The following DAB1 variants were observed in gnomAD, a reference collection of about 807,000 sequenced individuals.
DAB1 encodes DAB adaptor protein 1.
In DAB1, 15 loss-of-function variants were observed where a neutral mutation model predicts 64.6. That is an observed-to-expected ratio of 0.23 (90% CI 0.16 to 0.36). The LOEUF (loss-of-function observed/expected upper bound fraction) is 0.36, where lower values mean the gene tolerates loss of function less well. Ranked by LOEUF, DAB1 falls within the 10% of genes least tolerant of loss-of-function variation. The pLI is 1.00. For missense variants in DAB1, 596 were observed against 706.7 expected, an observed-to-expected ratio of 0.84 and a Z score of 1.78; for synonymous variants, 235 against 251.9, an observed-to-expected ratio of 0.93 and a Z score of 0.64.
Position 57,119,577 on chromosome 1 carries a change from G to T in DAB1, c.306+16966C>A, listed in dbSNP as rs531891393. Among the ~76,000 whole-genome samples the T allele has an allele frequency of 2.0e-5, 3 of 152,266 alleles. No individual in the cohort carries two copies. The South Asian group carries it at 6.2e-4, about 32-fold the overall frequency. On this transcript the variant is annotated intron_variant, in intron 4 of 14. Coordinates refer to ENST00000371236, the MANE Select transcript of DAB1 (RefSeq NM_001365792.1). ...ATCTTTCTTATCAGTAAATCCTAAT[G>T]GGTGGTACAAGCCAAAGACTCTTGA...
At chr1:58,160,819 G>C (rs1655495355) in intron 4 of DAB1, among the ~76,000 whole-genome samples, 1 of 152,144 alleles carries the variant, frequency 6.6e-6, no homozygotes, top group Middle Eastern at 3.2e-3. Flanking sequence ...TGGGCCCCAA[G>C]ACTCCTACCA....
At chr1:58,019,122 A>C (rs1015965264) in intron 5 of DAB1, among the ~76,000 whole-genome samples, 4 of 152,196 alleles carry the variant, frequency 2.6e-5, no homozygotes, top group African/African-American at 9.6e-5. Flanking sequence ...ATGATCTCTA[A>C]GATTACTCCC....
intron 5 of DAB1, among the ~76,000 whole-genome samples, chr1:58,010,895 T>C (rs1402951601): frequency 6.6e-6 from 1 of 152,274 alleles, no homozygotes; most frequent in Non-Finnish European, 1.5e-5. Context: ...AACTGATTGA[T>C]GCTGACATGG....
At chr1:58,400,907 T>C (rs1644563716) in intron 3 of DAB1, among the ~76,000 whole-genome samples, 1 of 152,172 alleles carries the variant, frequency 6.6e-6, no homozygotes, top group Admixed American at 6.5e-5. Flanking sequence ...ACAAGGTGGG[T>C]CTTTTAATAT....
At chr1:57,523,604 T>G (rs115794678) in intron 7 of DAB1, among the ~76,000 whole-genome samples, 1,884 of 152,220 alleles carry the variant, frequency 0.012, 52 homozygotes, top group African/African-American at 0.04. Flanking sequence ...CATGCATGGA[T>G]GAAAAGATAC....
chr1:58,256,789 A>G (rs1660941755), intron 4 of DAB1, among the ~76,000 whole-genome samples: 1 of 152,198 alleles, frequency 6.6e-6, no homozygotes, highest in Non-Finnish European at 1.5e-5. Flanking sequence ...TGACAAATGA[A>G]CGAACATGAT....
At chr1:57,364,804 A>T (rs1296566793) in intron 1 of DAB1, among the ~76,000 whole-genome samples, 3 of 150,770 alleles carry the variant, frequency 2.0e-5, no homozygotes, top group East Asian at 1.9e-4. Context: ...TAAAGTTCAA[A>T]ATCAGGCAAA....
At chr1:57,611,401 A>C (rs1162378818) in intron 7 of DAB1, among the ~76,000 whole-genome samples, 1 of 152,198 alleles carries the variant, frequency 6.6e-6, no homozygotes, top group Admixed American at 6.5e-5. Context: ...GAGGGAAAAG[A>C]ATAAAAACAT....
At chr1:57,883,403 G>A (rs924928390) in intron 1 of DAB1, among the ~76,000 whole-genome samples, 3 of 152,134 alleles carry the variant, frequency 2.0e-5, no homozygotes, top group African/African-American at 7.2e-5. Flanking sequence ...AATTTGCAAA[G>A]CCAGACTGCA....
intron 4 of DAB1, among the ~76,000 whole-genome samples, chr1:58,267,371 T>A (rs1661195680): frequency 6.6e-6 from 1 of 152,222 alleles, no homozygotes; most frequent in African/African-American, 2.4e-5. Context: ...CTTTCTCTGC[T>A]CTTCTATTCT....
chr1:57,321,974 C>A (rs562453502), intron 1 of DAB1, among the ~76,000 whole-genome samples: 3 of 152,336 alleles, frequency 2.0e-5, no homozygotes, highest in East Asian at 1.9e-4. Flanking sequence ...GCAGCCAGTT[C>A]TATTATTGGA....
At chr1:57,084,267 G>C (rs1295269487) in intron 4 of DAB1, among the ~76,000 whole-genome samples, 1 of 152,178 alleles carries the variant, frequency 6.6e-6, no homozygotes, top group East Asian at 1.9e-4. Flanking sequence ...GCCATATACA[G>C]ATGATGGCAG....
intron 7 of DAB1, among the ~76,000 whole-genome samples, chr1:57,501,317 A>G (rs1407496199): frequency 1.3e-5 from 2 of 152,222 alleles, no homozygotes; most frequent in Non-Finnish European, 2.9e-5. Context: ...CCGTGTAGTC[A>G]GCACTAATTA....
In DAB1 at chr1:58,219,170, G is replaced by A. The variant is rs74943282; in HGVS notation, n.310-68582C>T. On this transcript the variant is annotated intron_variant and non_coding_transcript_variant, in intron 4 of 20. Coordinates refer to the DAB1 transcript ENST00000485760. ...TTCCCAAGGCTCCTCCTCTGTCTAC[G>A]GGTTTCCATCTATGTTCCTCCTCTC... is the stretch of plus-strand genomic sequence containing the variant. Among the ~76,000 whole-genome samples, 1,132 of 152,042 alleles carry A rather than the reference G, an allele frequency of 7.4e-3. 48 individuals carry two copies. In the South Asian group the frequency reaches 0.1, roughly 14 times the overall value.
chr1:57,382,971 G>T (rs1681504783), intron 1 of DAB1, among the ~76,000 whole-genome samples: 1 of 151,948 alleles, frequency 6.6e-6, no homozygotes, highest in African/African-American at 2.4e-5. Context: ...ACAATCTAAG[G>T]GCAGACTATA....
intron 3 of DAB1, among the ~76,000 whole-genome samples, chr1:58,479,259 T>G (rs1001900753): frequency 2.6e-5 from 4 of 152,226 alleles, no homozygotes; most frequent in African/African-American, 9.6e-5. Flanking sequence ...TTATATGTTA[T>G]GGAGTGCCTT....
chr1:57,311,302 G>A (rs1421011398), intron 1 of DAB1, among the ~76,000 whole-genome samples: 1 of 152,106 alleles, frequency 6.6e-6, no homozygotes, highest in African/African-American at 2.4e-5. Context: ...TCTGAAGGTG[G>A]CAAGATTAAA....
intron 4 of DAB1, among the ~76,000 whole-genome samples, chr1:57,107,603 C>T (rs1355894042): frequency 6.6e-6 from 1 of 151,932 alleles, no homozygotes; most frequent in Non-Finnish European, 1.5e-5. Context: ...TGGATCAGTC[C>T]AGACCAGAAC....
chr1:57,793,676 C>T (rs187628490), intron 6 of DAB1, among the ~76,000 whole-genome samples: 2 of 152,280 alleles, frequency 1.3e-5, no homozygotes, highest in East Asian at 1.9e-4. Flanking sequence ...TCTACTAACT[C>T]CCAGTGTATA....
Sources: gnomAD v4.1 joint callset for allele counts (sites outside exome capture counted in the v4.1 genomes callset) on GRCh38, gnomAD v4.1.1 for gene constraint, MANE v1.5 for transcripts, NCBI Gene and HGNC (gene_info 2026-07-23, HGNC 2026-07-21) for gene names.